The following GALNT1 variants were observed in gnomAD, a reference collection of about 807,000 sequenced individuals.
GALNT1 encodes the protein GalNAc transferase 1.
A neutral mutation model predicts 65.7 loss-of-function variants in GALNT1; 17 were observed. The ratio of observed to expected loss-of-function variants is 0.26; its 90% confidence interval spans 0.18 to 0.39. GALNT1 has a LOEUF of 0.39. Ranked by LOEUF, GALNT1 falls within the 10% of genes least tolerant of loss-of-function variation. The pLI is 1.00. For synonymous variants in GALNT1, 210 were observed against 219.7 expected (o/e 0.96, Z 0.39); for missense variants, 460 against 672.8 (o/e 0.68, Z 3.50).
At chr18:35,621,304 A>T (rs1288288838) in intron 1 of GALNT1, among the ~76,000 whole-genome samples, 1 of 126,190 alleles carries the variant, frequency 7.9e-6, no homozygotes, top group East Asian at 2.2e-4. Flanking sequence ...TCAGCCTCCC[A>T]AGTAGCTGGG....
chr18:35,703,026 T>A, intron 10 of GALNT1, 31 bp downstream of exon 10: 1 of 1,294,198 alleles, frequency 7.7e-7, no homozygotes, highest in Non-Finnish European at 1.1e-6. Context: ...TTAAAAGGGA[T>A]AATTTTCAGA....
At chr18:35,649,963 G>C (rs1190908634) in intron 1 of GALNT1, among the ~76,000 whole-genome samples, 6 of 152,160 alleles carry the variant, frequency 3.9e-5, no homozygotes, top group South Asian at 2.1e-4. Context: ...TGCCTTTGCT[G>C]TGCCGAAGAT....
At chr18:35,709,401 C>T (rs528695125) in intron 11 of GALNT1, among the ~76,000 whole-genome samples, 2 of 151,900 alleles carry the variant, frequency 1.3e-5, no homozygotes, top group Admixed American at 1.3e-4. Context: ...TTCTCCCTCC[C>T]TCATACCTCT....
intron 11 of GALNT1, among the ~76,000 whole-genome samples, chr18:35,706,236 C>T (rs1433573885): frequency 1.3e-5 from 2 of 152,042 alleles, no homozygotes; most frequent in African/African-American, 2.4e-5. Flanking sequence ...GCCGGCCGGG[C>T]GCGGTGGCTC....
chr18:35,582,272 C>G (rs1003987448), intron 1 of GALNT1, among the ~76,000 whole-genome samples: 1 of 152,138 alleles, frequency 6.6e-6, no homozygotes, highest in South Asian at 2.1e-4. Context: ...GAGGGGGCTT[C>G]CCGGCCCGCT....
chr18:35,595,551 C>G (rs1277217567), intron 1 of GALNT1, among the ~76,000 whole-genome samples: 2 of 152,226 alleles, frequency 1.3e-5, no homozygotes, highest in African/African-American at 4.8e-5. Context: ...TGCGTGTCCA[C>G]TCTCTGCCCT....
In GALNT1 at chr18:35,581,827, G is replaced by A. The variant is rs1394475970; in HGVS notation, c.-139G>A. The A allele has an allele frequency of 7.7e-4, 1 of 1,302 alleles. No homozygotes were observed. The allele number at this position is 1,302 out of a possible 1,614,324, so 0.1% of individuals were successfully genotyped here. ...CGCGACCGCCGCGGCCGGCCCGGAG[G>A]ACGCCTGCCGCCGCCGCCGCCGCGC... On this transcript the variant is annotated 5_prime_UTR_variant, in exon 1 of 12. Transcript: ENST00000269195.
intron 1 of GALNT1, among the ~76,000 whole-genome samples, chr18:35,582,593 T>C (rs1004476109): frequency 6.6e-6 from 1 of 152,240 alleles, no homozygotes; most frequent in South Asian, 2.1e-4. Context: ...CTTGGCATTT[T>C]TTTGGTCAAG....
At chr18:35,630,646 A>G (rs1598789043) in intron 1 of GALNT1, among the ~76,000 whole-genome samples, 1 of 152,372 alleles carries the variant, frequency 6.6e-6, no homozygotes. Flanking sequence ...TAAAAGAACT[A>G]GAGAAGCAAG....
chr18:35,669,165 G>A (rs1238177072), intron 3 of GALNT1, among the ~76,000 whole-genome samples: 1 of 152,186 alleles, frequency 6.6e-6, no homozygotes, highest in East Asian at 1.9e-4. Context: ...GGCATGAGCC[G>A]GGGAGGCGGA....
At chr18:35,621,128 C>G (rs777138228) in intron 1 of GALNT1, among the ~76,000 whole-genome samples, 20 of 123,290 alleles carry the variant, frequency 1.6e-4, no homozygotes, top group Middle Eastern at 4.3e-3. Context: ...ATGATTTGCC[C>G]GTTCATATCT....
At chr18:35,625,488 G>A (rs1332064322) in intron 1 of GALNT1, among the ~76,000 whole-genome samples, 1 of 152,190 alleles carries the variant, frequency 6.6e-6, no homozygotes, top group African/African-American at 2.4e-5. Context: ...GACTTGTGTT[G>A]CTAGGTAGGA....
At chr18:35,611,738 G>T (rs8096745) in intron 1 of GALNT1, among the ~76,000 whole-genome samples, 18,031 of 152,236 alleles carry the variant, frequency 0.12, 1,145 homozygotes, top group Admixed American at 0.19. Flanking sequence ...TGGACCCTGT[G>T]TTAGGCAGCA....
At chr18:35,705,243 C>A (rs957712069) in intron 11 of GALNT1, among the ~76,000 whole-genome samples, 2 of 152,164 alleles carry the variant, frequency 1.3e-5, no homozygotes, top group Non-Finnish European at 2.9e-5. Flanking sequence ...CACACCTTAC[C>A]CATTCTTAAG....
At chr18:35,608,768 A>G (rs190950638) in intron 1 of GALNT1, among the ~76,000 whole-genome samples, 141 of 152,338 alleles carry the variant, frequency 9.3e-4, no homozygotes, top group African/African-American at 3.3e-3. Context: ...TCAACATTCA[A>G]GGTATAAAGT....
chr18:35,669,904 A>T (rs918374478), intron 3 of GALNT1, among the ~76,000 whole-genome samples: 1 of 152,238 alleles, frequency 6.6e-6, no homozygotes, highest in Admixed American at 6.5e-5. Flanking sequence ...ATTAAAATTT[A>T]TTACTTTAAG....
intron 1 of GALNT1, among the ~76,000 whole-genome samples, chr18:35,642,458 G>GT (rs149482063): frequency 4.6e-4 from 70 of 152,274 alleles, no homozygotes; most frequent in African/African-American, 1.7e-3. Context: ...AGGAAGGACC[G>GT]TAAGAATAGG....
At chr18:35,593,176 A>C (rs867700367) in intron 1 of GALNT1, among the ~76,000 whole-genome samples, 2 of 152,174 alleles carry the variant, frequency 1.3e-5, no homozygotes, top group Non-Finnish European at 2.9e-5. Flanking sequence ...AACCATAGGG[A>C]GGTCTACGTG....
chr18:35,653,574 A>G (rs2047337554), intron 1 of GALNT1, among the ~76,000 whole-genome samples: 1 of 152,174 alleles, frequency 6.6e-6, no homozygotes, highest in Non-Finnish European at 1.5e-5. Flanking sequence ...CTTGGTTTAT[A>G]TTTCTCCTGG....
Sources: allele counts gnomAD v4.1 joint callset (sites outside exome capture counted in the v4.1 genomes callset), GRCh38; gene constraint gnomAD v4.1.1; transcripts MANE v1.5; gene names NCBI Gene and HGNC (gene_info 2026-07-23, HGNC 2026-07-21).